The following EHMT1 variants were observed in gnomAD, a reference collection of about 807,000 sequenced individuals.
The protein encoded by EHMT1 is euchromatic histone lysine methyltransferase 1.
In EHMT1, 15 loss-of-function variants were observed where a neutral mutation model predicts 147.2. The ratio of observed to expected loss-of-function variants is 0.10; its 90% CI spans 0.07 to 0.16. EHMT1 has a LOEUF of 0.16. Among genes scored for constraint, EHMT1 ranks in the 10% least tolerant of loss-of-function variants. EHMT1 has a pLI of 1.00. For missense variants in EHMT1, 1,587 were observed against 1,772.4 expected (o/e 0.90, Z 1.88); for synonymous variants, 795 against 709.6 (o/e 1.12, Z -1.91).
At chr9:137,800,212 A>C (rs3934533) in intron 17 of EHMT1, among the ~76,000 whole-genome samples, 45,564 of 152,108 alleles carry the variant, frequency 0.3, 7,089 homozygotes, top group Admixed American at 0.4. Flanking sequence ...CCTCATTTTC[A>C]GAAAAGTTGC....
rs549288488 is a variant in EHMT1, at chr9:137,649,416, C to T, written c.21+30367C>T. Among the ~76,000 whole-genome samples, 30 of 151,970 alleles carry T rather than the reference C, an allele frequency of 2.0e-4. No individual in the cohort carries two copies. In the East Asian group the frequency reaches 3.7e-3, roughly 19 times the overall value. ...CGGAGGTGGCAGTGAGCTGAGATCG[C>T]GCCATTGCACTCCAGCCTGGGCAAC... On this transcript the variant is annotated intron_variant, in intron 1 of 26. Coordinates refer to ENST00000460843, the MANE Select transcript of EHMT1 (RefSeq NM_024757.5).
At chr9:137,641,333 TGA>T (rs1844468664) in intron 1 of EHMT1, 3 of 482,632 alleles carry the variant, frequency 6.2e-6, no homozygotes, top group Non-Finnish European at 1.2e-5. Flanking sequence ...TGAAATTCTT[TGA>T]GAGAGCTTTA....
At chr9:137,726,516 G>A (rs1045679198) in intron 3 of EHMT1, among the ~76,000 whole-genome samples, 11 of 150,964 alleles carry the variant, frequency 7.3e-5, no homozygotes, top group Admixed American at 2.6e-4. Flanking sequence ...TGATCCGTTC[G>A]CCCGACAGCC....
At chr9:137,676,268 AC>A (rs1159422596) in intron 1 of EHMT1, 1 of 131,114 alleles carries the variant, frequency 7.6e-6, no homozygotes, top group East Asian at 2.3e-4. Flanking sequence ...AGAGGGTTTC[AC>A]CGTGTCAGCC....
chr9:137,732,083 C>T lies in EHMT1; in HGVS notation c.823+3554C>T, dbSNP rs186881168. On this transcript the variant is annotated intron_variant, in intron 4 of 26. Transcript: ENST00000460843. The surrounding 1 kb of genome is among the most constrained non-coding windows in gnomAD (Gnocchi z 4.6). ...TACGGGCTGGGGTGTGTTCCCAGCTCGTTCAGTTCTGCCGCTTTCGCCCTG... is the reference window on the plus strand; with the variant it reads ...TACGGGCTGGGGTGTGTTCCCAGCTTGTTCAGTTCTGCCGCTTTCGCCCTG... Among the ~76,000 whole-genome samples, 120 of 152,340 alleles carry T rather than the reference C, an allele frequency of 7.9e-4. 1 individual carries two copies. The East Asian group carries it at 0.016, about 21-fold the overall frequency.
chr9:137,645,965 A>C (rs1038521813), intron 1 of EHMT1, among the ~76,000 whole-genome samples: 1 of 151,864 alleles, frequency 6.6e-6, no homozygotes, highest in African/African-American at 2.4e-5. Context: ...TTCTATTTTT[A>C]CTTTTTTTTT....
At chr9:137,766,338 G>A (rs1588601255) in intron 10 of EHMT1, among the ~76,000 whole-genome samples, 2 of 152,228 alleles carry the variant, frequency 1.3e-5, no homozygotes, top group Non-Finnish European at 2.9e-5. Context: ...TCTCAGGCCA[G>A]GCACAGTGGC....
intron 23 of EHMT1, chr9:137,816,593 G>A (rs762723649): frequency 1.1e-4 from 19 of 176,372 alleles, no homozygotes; most frequent in African/African-American, 3.3e-4. Context: ...CAGCAGCTGC[G>A]TCTCCTTTCC....
At chr9:137,791,104 T>G (rs1588729081) in intron 16 of EHMT1, 134 bp downstream of exon 16, 1 of 1,441,108 alleles carries the variant, frequency 6.9e-7, no homozygotes, top group South Asian at 1.2e-5. Flanking sequence ...CAGAAATAGT[T>G]CCTTCATCTC....
chr9:137,779,536 G>T, intron 13 of EHMT1, 99 bp from the exon 14 acceptor site: 2 of 1,278,388 alleles, frequency 1.6e-6, no homozygotes, highest in Admixed American at 3.6e-5. Context: ...CCATGAGCTT[G>T]AGGGGCTGGT....
At chr9:137,803,850 A>C (rs1046407723) in intron 18 of EHMT1, among the ~76,000 whole-genome samples, 2 of 151,968 alleles carry the variant, frequency 1.3e-5, no homozygotes, top group Non-Finnish European at 2.9e-5. Context: ...AAAAAAAAAA[A>C]AAAACCTGCC....
intron 1 of EHMT1, among the ~76,000 whole-genome samples, chr9:137,710,500 A>G (rs1944605947): frequency 6.6e-6 from 1 of 152,196 alleles, no homozygotes; most frequent in Non-Finnish European, 1.5e-5. Context: ...GGCCTTGTAT[A>G]ATACATACCT....
rs377299636 is a variant in EHMT1 at position 137,817,418 on chromosome 9, C to T, written c.3375-21C>T. On this transcript the variant is annotated intron_variant, in intron 23 of 26. Coordinates refer to ENST00000460843, the MANE Select transcript of EHMT1 (RefSeq NM_024757.5). ...AGGCTGAGGCTGTGGCCTGGGTTCA[C>T]CACTACTCTCTATTTTTCAGGGCAA... 10 of 1,613,266 alleles carry T rather than the reference C, an allele frequency of 6.2e-6. No individual in the cohort carries two copies. In the African/African-American group the frequency reaches 6.7e-5, roughly 11 times the overall value.
intron 8 of EHMT1, among the ~76,000 whole-genome samples, chr9:137,757,449 C>G (rs1949463819): frequency 6.6e-6 from 1 of 152,250 alleles, no homozygotes; most frequent in African/African-American, 2.4e-5. Flanking sequence ...TGGGCCATCT[C>G]TTTAGCTACT....
intron 25 of EHMT1, among the ~76,000 whole-genome samples, chr9:137,825,293 T>A (rs1955734015): frequency 6.6e-6 from 1 of 152,200 alleles, no homozygotes; most frequent in Non-Finnish European, 1.5e-5. Flanking sequence ...TCTACATGTG[T>A]GTGGGCCGAC....
intron 1 of EHMT1, among the ~76,000 whole-genome samples, chr9:137,639,702 G>A (rs1844344355): frequency 6.6e-6 from 1 of 152,092 alleles, no homozygotes; most frequent in Non-Finnish European, 1.5e-5. Context: ...TTCAATCGAA[G>A]GGATGTCTCT....
intron 10 of EHMT1, among the ~76,000 whole-genome samples, chr9:137,766,021 G>A (rs1950193993): frequency 6.6e-6 from 1 of 152,052 alleles, no homozygotes. Flanking sequence ...AAAATGGGAG[G>A]TCGAGGCAGA....
chr9:137,619,088 CGGGCAGCG>C, intron 1 of EHMT1, 39 bp downstream of exon 1: 2 of 696,142 alleles, frequency 2.9e-6, no homozygotes, highest in Non-Finnish European at 3.5e-6. Context: ...GCGGGGGCGG[CGGGCAGCG>C]GCGGAGGCGG....
At chr9:137,834,201 C>T (rs1956431460) in intron 25 of EHMT1, 148 bp from the exon 26 acceptor site, 2 of 1,061,244 alleles carry the variant, frequency 1.9e-6, no homozygotes, top group African/African-American at 1.6e-5. Flanking sequence ...TCCGCACCGC[C>T]GCCACAGGTC....
Sources: gnomAD v4.1 joint callset for allele counts (sites outside exome capture counted in the v4.1 genomes callset) on GRCh38, gnomAD v4.1.1 for gene constraint, Gnocchi (gnomAD v3.1) non-coding constraint, MANE v1.5 for transcripts, NCBI Gene and HGNC (gene_info 2026-07-23, HGNC 2026-07-21) for gene names.